The following PARD3B variants were observed in gnomAD, a reference collection of about 807,000 sequenced individuals.
PARD3B encodes par-3 family cell polarity regulator beta.
In PARD3B, 103 loss-of-function variants were observed where a neutral mutation model predicts 130.2. The observed-to-expected ratio is 0.79, with a 90% CI of 0.67 to 0.93. The LOEUF is 0.93. Among genes scored for constraint, PARD3B ranks in the 40% least tolerant of loss-of-function variants. The pLI is 0.00. For missense variants in PARD3B, 1,609 were observed against 1,499.2 expected (o/e 1.07, Z -1.21); for synonymous variants, 583 against 553.2 (o/e 1.05, Z -0.76).
intron 11 of PARD3B, among the ~76,000 whole-genome samples, chr2:205,165,977 C>G (rs989060195): frequency 1.3e-5 from 2 of 151,838 alleles, no homozygotes; most frequent in African/African-American, 4.8e-5. Context: ...TGAATATGCC[C>G]TGGCATATTC....
chr2:205,092,316 C>T (rs1371986036), intron 4 of PARD3B, among the ~76,000 whole-genome samples: 1 of 152,124 alleles, frequency 6.6e-6, no homozygotes, highest in African/African-American at 2.4e-5. Context: ...TATCTAGAAA[C>T]AGCTCCAGGA....
At position 205,287,928 on chromosome 2, in the gene PARD3B, C is replaced by T. The variant is rs886559671; in HGVS notation, c.2186-12602C>T. ...ATCACCTTCTTGTAACCTTGTTTCC[C>T]GCTGGCAAAGATTCCTCAGGCTGAG... On this transcript the variant is annotated intron_variant, in intron 16 of 22. Coordinates refer to ENST00000406610, the MANE Select transcript of PARD3B (RefSeq NM_001302769.2). This position sits in a 1 kb window ranked among gnomAD's most constrained non-coding sequence, Gnocchi z 4.8. Among the ~76,000 whole-genome samples the T allele has an allele frequency of 2.6e-5, 4 of 152,162 alleles. No homozygotes were observed. Among genetic ancestry groups the T allele is most frequent in the East Asian group, 1.9e-4 (1 of 5,170 alleles).
rs2076208747 is a variant in PARD3B, at chr2:205,158,843, G to C, written c.1556G>C (p.Arg519Thr). The change falls in exon 11 of 23, where the codon AGA (arginine) becomes ACA (threonine). Residue 519 changes from arginine (R) to threonine (T), a missense_variant. Transcript: ENST00000406610. This position sits in a 1 kb window ranked among gnomAD's most constrained non-coding sequence, Gnocchi z 5.4. ...LGVSLKGNKS[R>T]ETGTDLGIFI... Reference sequence around the variant, plus strand: ...GTGAGCTTAAAAGGGAACAAATCCAGAGAAACTGGAACAGACTTGGGGATT... The same window carrying C: ...GTGAGCTTAAAAGGGAACAAATCCACAGAAACTGGAACAGACTTGGGGATT... 1.2e-6 allele frequency: 2 copies of C among 1,614,146 alleles called. No individual in the cohort carries two copies. The highest frequency in any genetic ancestry group is 1.7e-6 in the Non-Finnish European group (2 of 1,180,020).
chr2:205,041,002 C>G (rs977463531), intron 3 of PARD3B, among the ~76,000 whole-genome samples: 1 of 152,130 alleles, frequency 6.6e-6, no homozygotes, highest in African/African-American at 2.4e-5. Flanking sequence ...CTGAGCACTC[C>G]TCTGTGACTT....
intron 20 of PARD3B, among the ~76,000 whole-genome samples, chr2:205,450,463 A>ATT (rs1559106458): frequency 1.6e-5 from 2 of 124,082 alleles, no homozygotes; most frequent in African/African-American, 6.9e-5. Context: ...TTAAGTGCAG[A>ATT]TTCTTTTTTT....
At chr2:205,399,884 T>C (rs1209739049) in intron 18 of PARD3B, among the ~76,000 whole-genome samples, 1 of 152,074 alleles carries the variant, frequency 6.6e-6, no homozygotes, top group Non-Finnish European at 1.5e-5. Context: ...GGGGCTGCAT[T>C]AGAGAGTGAT....
At chr2:204,796,758 T>TA (rs1377569976) in intron 2 of PARD3B, among the ~76,000 whole-genome samples, 4 of 152,228 alleles carry the variant, frequency 2.6e-5, no homozygotes, top group African/African-American at 7.2e-5. Context: ...TCAGCATACT[T>TA]ACGTCGTTGG....
At chr2:205,295,948 GA>G (rs527927204) in intron 16 of PARD3B, among the ~76,000 whole-genome samples, 325 of 152,228 alleles carry the variant, frequency 2.1e-3, no homozygotes, top group Non-Finnish European at 3.2e-3. Flanking sequence ...AAAATTTAAG[GA>G]GTTGTTTCCC....
intron 4 of PARD3B, among the ~76,000 whole-genome samples, chr2:205,052,585 T>C (rs1157385260): frequency 6.6e-6 from 1 of 151,290 alleles, no homozygotes; most frequent in Non-Finnish European, 1.5e-5. Context: ...ATGAAAGAGA[T>C]TCTATTACTT....
In PARD3B at chr2:205,550,493, G is replaced by T. The variant is rs1254814393; in HGVS notation, c.3181-2831G>T. Among the ~76,000 whole-genome samples the T allele has an allele frequency of 1.3e-5, 2 of 152,168 alleles. No individual in the cohort carries two copies. Among genetic ancestry groups the T allele is most frequent in the Admixed American group, 6.5e-5 (1 of 15,270 alleles). Reference sequence around the variant, plus strand: ...AGAATAATTTCTTATGTGCAAGCTTGCTGCCTATCTTTTGAAGACTGGCCC... The same window carrying T: ...AGAATAATTTCTTATGTGCAAGCTTTCTGCCTATCTTTTGAAGACTGGCCC... On this transcript the variant is annotated intron_variant, in intron 21 of 22. Transcript: ENST00000406610. The surrounding 1 kb of genome is among the most constrained non-coding windows in gnomAD (Gnocchi z 4.5).
rs763865447 is a variant in PARD3B, at chr2:205,232,359, C to G, written c.2141-13419C>G. ...CCTAGCTACTTGGGAGGCTTGAGGCCAGGAGTTCAAGGTTGTAGTAAACTG... is the reference window on the plus strand; with the variant it reads ...CCTAGCTACTTGGGAGGCTTGAGGCGAGGAGTTCAAGGTTGTAGTAAACTG... On this transcript the variant is annotated intron_variant, in intron 15 of 22. Coordinates refer to ENST00000406610, the MANE Select transcript of PARD3B (RefSeq NM_001302769.2). Among the ~76,000 whole-genome samples the G allele has an allele frequency of 6.3e-4, 96 of 152,152 alleles. 3 individuals carry two copies. The highest frequency in any genetic ancestry group is 3.4e-3 in the Middle Eastern group (1 of 294).
chr2:205,548,407 T>C (rs1250577763), intron 21 of PARD3B, among the ~76,000 whole-genome samples: 2 of 152,130 alleles, frequency 1.3e-5, no homozygotes, highest in African/African-American at 4.8e-5. Flanking sequence ...CCAAAATCTG[T>C]CCTTCATTTA....
chr2:204,971,066 G>GT (rs1691657003), intron 3 of PARD3B, among the ~76,000 whole-genome samples: 1 of 152,162 alleles, frequency 6.6e-6, no homozygotes, highest in African/African-American at 2.4e-5. Context: ...CAAATACTGT[G>GT]TAGCTATAGA....
intron 1 of PARD3B, among the ~76,000 whole-genome samples, chr2:204,648,576 A>T (rs990316289): frequency 7.8e-6 from 1 of 127,438 alleles, no homozygotes; most frequent in African/African-American, 3.0e-5. Flanking sequence ...ATAAATATAT[A>T]TTATATATTA....
chr2:205,141,612 A>C (rs1169160964), intron 10 of PARD3B, among the ~76,000 whole-genome samples: 1 of 152,152 alleles, frequency 6.6e-6, no homozygotes, highest in Non-Finnish European at 1.5e-5. Context: ...TTTGCAAGCT[A>C]TTTTCTTGCA....
chr2:205,195,341 A>T (rs531918909), intron 15 of PARD3B, among the ~76,000 whole-genome samples: 1 of 152,288 alleles, frequency 6.6e-6, no homozygotes, highest in East Asian at 1.9e-4. Flanking sequence ...ATGCAGTGGA[A>T]ATACTCAACA....
intron 19 of PARD3B, among the ~76,000 whole-genome samples, chr2:205,430,994 A>G (rs555961120): frequency 9.3e-4 from 141 of 152,332 alleles, no homozygotes; most frequent in African/African-American, 3.2e-3. Context: ...ATGCCTTTGG[A>G]AGTATGTAGG....
At chr2:205,124,680 T>C (rs939156824) in intron 9 of PARD3B, among the ~76,000 whole-genome samples, 2 of 152,316 alleles carry the variant, frequency 1.3e-5, no homozygotes, top group Non-Finnish European at 2.9e-5. Flanking sequence ...GTCAGTGATA[T>C]GGGGCCAAAT....
intron 20 of PARD3B, among the ~76,000 whole-genome samples, chr2:205,478,331 G>A (rs2106280198): frequency 6.6e-6 from 1 of 152,268 alleles, no homozygotes; most frequent in African/African-American, 2.4e-5. Flanking sequence ...GGCCCAACCA[G>A]TTTCTCCTGA....
Sources: allele counts gnomAD v4.1 joint callset (sites outside exome capture counted in the v4.1 genomes callset), GRCh38; gene constraint gnomAD v4.1.1; non-coding constraint Gnocchi (gnomAD v3.1); transcripts MANE v1.5; gene names NCBI Gene and HGNC (gene_info 2026-07-23, HGNC 2026-07-21).